Variants in PPP1R9A observed in about 807,000 individuals in gnomAD.
PPP1R9A encodes the protein protein phosphatase 1 regulatory subunit 9A.
Under a neutral mutation model 141.9 loss-of-function variants are expected in PPP1R9A, and 59 were observed. The ratio of observed to expected loss-of-function variants is 0.42; its 90% CI spans 0.34 to 0.52. PPP1R9A has a LOEUF of 0.52. Ranked by LOEUF, PPP1R9A falls within the 20% of genes least tolerant of loss-of-function variation. The pLI, the probability that PPP1R9A is intolerant of heterozygous loss-of-function variation, is 0.10. For missense variants in PPP1R9A, 1,444 were observed against 1,611.9 expected (o/e 0.90, Z 1.78); for synonymous variants, 500 against 569.7 (o/e 0.88, Z 1.74).
chr7:95,181,996 T>C (rs1833928888), intron 5 of PPP1R9A, among the ~76,000 whole-genome samples: 1 of 151,548 alleles, frequency 6.6e-6, no homozygotes, highest in South Asian at 2.1e-4. Flanking sequence ...TGTAAAGGCA[T>C]AAGAATGATA....
chr7:95,244,807 G>GT (rs1797897009), intron 8 of PPP1R9A, among the ~76,000 whole-genome samples: 1 of 152,124 alleles, frequency 6.6e-6, no homozygotes, highest in Admixed American at 6.5e-5. Flanking sequence ...TCCTAGCTGA[G>GT]TTTATTGAGG....
chr7:95,223,506 G>A (rs12704783), intron 7 of PPP1R9A, among the ~76,000 whole-genome samples: 58,074 of 151,686 alleles, frequency 0.38, 11,804 homozygotes, highest in South Asian at 0.49. Flanking sequence ...AAGTTAATGC[G>A]TTGGCATTCT....
intron 5 of PPP1R9A, among the ~76,000 whole-genome samples, chr7:95,164,426 G>C (rs1369353516): frequency 6.6e-6 from 1 of 150,868 alleles, no homozygotes; most frequent in Non-Finnish European, 1.5e-5. Flanking sequence ...TCTTATAATT[G>C]GGCTTTTGTA....
At position 95,269,345 on chromosome 7, in the gene PPP1R9A, C is replaced by G. The variant is rs1239233689; in HGVS notation, c.2962C>G (p.His988Asp). The part of the protein sequence containing the change: ...VDSNVPFSSD[H>D]IAEFQEEPLD... ...TAGCAATGTGCCCTTCTCGTCTGAC[C>G]ACATAGCTGAATTTCAAGAAGAACC... Residue 988 changes from histidine to aspartate, a missense_variant, in exon 14 of 20, where the codon CAC (histidine) becomes GAC (aspartate). Physicochemically the swap from His to Asp is moderately conservative, Grantham distance 81 (BLOSUM62 -1). Around this residue, in one of 5 missense-constraint regions of PPP1R9A, gnomAD observed 459 missense variants for 513.8 expected, o/e 0.89. Coordinates refer to ENST00000433360, the MANE Select transcript of PPP1R9A (RefSeq NM_001166160.2). The G allele has an allele frequency of 6.3e-7, 1 of 1,598,432 alleles. No homozygotes were observed. The highest frequency in any genetic ancestry group is 1.3e-5 in the African/African-American group (1 of 74,856).
At chr7:95,091,806 CA>C (rs1391600450) in intron 2 of PPP1R9A, among the ~76,000 whole-genome samples, 6 of 146,886 alleles carry the variant, frequency 4.1e-5, no homozygotes, top group African/African-American at 1.5e-4. Context: ...TTAGTTTTGG[CA>C]TTTGGTGCGT....
intron 5 of PPP1R9A, among the ~76,000 whole-genome samples, chr7:95,193,213 C>G (rs1488227477): frequency 1.3e-5 from 2 of 152,084 alleles, no homozygotes; most frequent in African/African-American, 4.8e-5. Flanking sequence ...GATTACAAAG[C>G]TTTAAAGATG....
chr7:95,121,627 G>A (rs1292795365), intron 4 of PPP1R9A, among the ~76,000 whole-genome samples: 1 of 152,064 alleles, frequency 6.6e-6, no homozygotes, highest in Non-Finnish European at 1.5e-5. Context: ...CCTGAGACTG[G>A]GTAATTTATA....
chr7:95,182,667 A>G (rs1189599046), intron 5 of PPP1R9A, among the ~76,000 whole-genome samples: 2 of 152,218 alleles, frequency 1.3e-5, no homozygotes, highest in African/African-American at 4.8e-5. Flanking sequence ...CATGGAAATC[A>G]TCCACCATTG....
At chr7:95,026,559 C>T (rs943169368) in intron 2 of PPP1R9A, among the ~76,000 whole-genome samples, 4 of 152,148 alleles carry the variant, frequency 2.6e-5, no homozygotes, top group Admixed American at 6.5e-5. Flanking sequence ...CAGGTGTCAG[C>T]GACCTACTTG....
intron 5 of PPP1R9A, among the ~76,000 whole-genome samples, chr7:95,188,909 G>A (rs1239282368): frequency 2.6e-5 from 4 of 151,994 alleles, no homozygotes; most frequent in African/African-American, 9.7e-5. Flanking sequence ...GGCCCCATGA[G>A]ATTTATGCTT....
chr7:95,213,342 A>G (rs1281009753), intron 7 of PPP1R9A, among the ~76,000 whole-genome samples: 4 of 128,966 alleles, frequency 3.1e-5, no homozygotes, highest in Admixed American at 8.4e-5. Context: ...TTTTTTGGAG[A>G]CAGAGTTTTG....
intron 5 of PPP1R9A, among the ~76,000 whole-genome samples, chr7:95,168,363 C>G (rs1319538346): frequency 6.6e-6 from 1 of 151,926 alleles, no homozygotes; most frequent in Non-Finnish European, 1.5e-5. Flanking sequence ...AAACTGGACC[C>G]TTATCCCTCA....
chr7:95,078,941 C>T (rs1312803819), intron 2 of PPP1R9A, among the ~76,000 whole-genome samples: 1 of 152,058 alleles, frequency 6.6e-6, no homozygotes, highest in Non-Finnish European at 1.5e-5. Context: ...TGCCTGTTCA[C>T]TCTGATGGTA....
intron 4 of PPP1R9A, among the ~76,000 whole-genome samples, chr7:95,147,738 C>T (rs1288864552): frequency 6.6e-6 from 1 of 152,148 alleles, no homozygotes; most frequent in Non-Finnish European, 1.5e-5. Context: ...GCCTTTTCCA[C>T]ATCTATTGAG....
At chr7:95,022,110 A>G (rs1426121468) in intron 2 of PPP1R9A, among the ~76,000 whole-genome samples, 3 of 152,138 alleles carry the variant, frequency 2.0e-5, no homozygotes, top group Non-Finnish European at 2.9e-5. Context: ...ATGAGCATGG[A>G]ATGTTTTCCA....
rs146277225 is a variant in PPP1R9A at position 95,087,121 on chromosome 7, T to C, written c.1396-24138T>C. Among the ~76,000 whole-genome samples, 602 of 152,078 alleles carry C rather than the reference T, an allele frequency of 4.0e-3. 24 individuals are homozygous for C. The highest frequency in any genetic ancestry group is 0.038 in the East Asian group (195 of 5,190). On this transcript the variant is annotated intron_variant, in intron 2 of 19. Coordinates refer to ENST00000433360, the MANE Select transcript of PPP1R9A (RefSeq NM_001166160.2). Reference sequence around the variant, plus strand: ...CCCATTTTACTGAGTGTTCAAATTATGGTAATTTCATTCTGAGAAGCCACC... The same window carrying C: ...CCCATTTTACTGAGTGTTCAAATTACGGTAATTTCATTCTGAGAAGCCACC...
chr7:95,166,425 T>C (rs941658837), intron 5 of PPP1R9A, among the ~76,000 whole-genome samples: 1 of 152,140 alleles, frequency 6.6e-6, no homozygotes, highest in African/African-American at 2.4e-5. Flanking sequence ...TGGATAAATT[T>C]CTGGATACAT....
At chr7:95,200,584 T>C (rs1789337954) in intron 6 of PPP1R9A, among the ~76,000 whole-genome samples, 1 of 152,128 alleles carries the variant, frequency 6.6e-6, no homozygotes, top group African/African-American at 2.4e-5. Flanking sequence ...CTGGCCCAGA[T>C]TTTTCTTTAA....
At chr7:94,956,110 G>T (rs536999101) in intron 2 of PPP1R9A, among the ~76,000 whole-genome samples, 2 of 152,180 alleles carry the variant, frequency 1.3e-5, no homozygotes, top group South Asian at 2.1e-4. Flanking sequence ...ATGCTGGTTG[G>T]ACAGACTTCC....
Sources: allele counts gnomAD v4.1 joint callset (sites outside exome capture counted in the v4.1 genomes callset), GRCh38; gene constraint gnomAD v4.1.1; regional missense constraint gnomAD v4.1.1; transcripts MANE v1.5; gene names NCBI Gene and HGNC (gene_info 2026-07-23, HGNC 2026-07-21).